COL5A2: variants seen among roughly 807,000 people sequenced by gnomAD.
The protein encoded by COL5A2 is collagen type V alpha 2 chain, also known as collagen alpha-2(V) chain.
COL5A2 carries 23 observed loss-of-function variants against 208.2 expected under a neutral mutation model. The ratio of observed to expected loss-of-function variants is 0.11; its 90% CI spans 0.08 to 0.16. COL5A2 has a LOEUF of 0.16. Among genes scored for constraint, COL5A2 ranks in the 10% least tolerant of loss-of-function variants. The pLI is 1.00. For missense variants in COL5A2, 1,590 were observed against 1,956.4 expected (o/e 0.81, Z 3.53); for synonymous variants, 625 against 628.5 (o/e 0.99, Z 0.08).
upstream of COL5A2, among the ~76,000 whole-genome samples, chr2:189,226,745 G>C (rs182686502): frequency 6.6e-6 from 1 of 152,236 alleles, no homozygotes; most frequent in Non-Finnish European, 1.5e-5. Flanking sequence ...CCCTCAAGGA[G>C]GAAAGAGAAA....
chr2:189,282,395 T>G, the COL5A2 span, among the ~76,000 whole-genome samples: 1 of 152,112 alleles, frequency 6.6e-6, no homozygotes, highest in Non-Finnish European at 1.5e-5. Flanking sequence ...AAAGGTAAAA[T>G]GCTGCTAAAC....
chr2:189,229,242 G>GA (rs1401933717), upstream of COL5A2, among the ~76,000 whole-genome samples: 1 of 150,974 alleles, frequency 6.6e-6, no homozygotes, highest in Non-Finnish European at 1.5e-5. Flanking sequence ...CCAAAATCAG[G>GA]AAAAAAAGCA....
chr2:189,165,877 T>C lies in COL5A2; in HGVS notation c.97+13631A>G, dbSNP rs184250040. Among the ~76,000 whole-genome samples the C allele has an allele frequency of 1.1e-3, 170 of 152,354 alleles. 3 individuals are homozygous for C. The highest frequency in any genetic ancestry group is 0.01 in the Admixed American group (157 of 15,302). On this transcript the variant is annotated intron_variant, in intron 1 of 53. Transcript: ENST00000374866. ...TGCTGAGTCAGTGTCCTACTCCTAC[T>C]GCCTGTAGGCCTAGTTGACGGAATA...
chr2:189,080,948 T>C, intron 13 of COL5A2, 42 bp downstream of exon 13: 1 of 1,550,508 alleles, frequency 6.4e-7, no homozygotes, highest in African/African-American at 1.4e-5. Flanking sequence ...GCCTGTTCAC[T>C]AAACCACAGT....
intron 1 of COL5A2, among the ~76,000 whole-genome samples, chr2:189,219,461 G>C (rs1050189690): frequency 6.6e-6 from 1 of 152,024 alleles, no homozygotes; most frequent in Non-Finnish European, 1.5e-5. Context: ...TCCTTATAGA[G>C]AGTCTCTCAA....
chr2:189,382,941 G>A, the COL5A2 span, among the ~76,000 whole-genome samples: 5 of 152,196 alleles, frequency 3.3e-5, no homozygotes, highest in South Asian at 1.0e-3. Flanking sequence ...AGGGAGGAAT[G>A]TTACAAAGTA....
chr2:189,337,537 T>G, the COL5A2 span, among the ~76,000 whole-genome samples: 1 of 152,162 alleles, frequency 6.6e-6, no homozygotes, highest in African/African-American at 2.4e-5. Flanking sequence ...ACTATAAACT[T>G]TTAGAATTGT....
intron 1 of COL5A2, among the ~76,000 whole-genome samples, chr2:189,124,811 T>C (rs1687577218): frequency 6.6e-6 from 1 of 151,956 alleles, no homozygotes; most frequent in Non-Finnish European, 1.5e-5. Context: ...ATAACTTCAA[T>C]TTTTTTCCTG....
chr2:189,104,802 A>T (rs997189201), intron 2 of COL5A2, among the ~76,000 whole-genome samples: 3 of 151,806 alleles, frequency 2.0e-5, no homozygotes, highest in African/African-American at 7.2e-5. Context: ...TAAGAAAATT[A>T]TTACAGACTC....
At chr2:189,410,275 T>C in the COL5A2 span, among the ~76,000 whole-genome samples, 1 of 152,196 alleles carries the variant, frequency 6.6e-6, no homozygotes, top group East Asian at 1.9e-4. Context: ...CATTTAGTCA[T>C]CAAACTTGGC....
At position 189,034,154 on chromosome 2, in the gene COL5A2, C is replaced by T. The variant is rs1193385199; in HGVS notation, c.4416G>A (p.Leu1472=). ...FEYRTQNVAR[L]PIIDLAPVDV... Reference sequence around the variant, plus strand: ...CCACAGGAGCAAGATCTATGATGGGCAAGCGTGCCACATTCTGTGTTCTAT... The same window carrying T: ...CCACAGGAGCAAGATCTATGATGGGTAAGCGTGCCACATTCTGTGTTCTAT... Residue 1472 remains leucine (L), a synonymous_variant, in exon 54 of 54, where the codon TTG becomes TTA. Transcript: ENST00000374866. 1 of 1,614,002 alleles carries T rather than the reference C, an allele frequency of 6.2e-7. No individual in the cohort carries two copies. The highest frequency in any genetic ancestry group is 2.2e-5 in the East Asian group (1 of 44,884).
At chr2:189,138,703 G>C (rs754459607) in intron 1 of COL5A2, among the ~76,000 whole-genome samples, 1 of 151,900 alleles carries the variant, frequency 6.6e-6, no homozygotes, top group African/African-American at 2.4e-5. Context: ...TATAGTAACC[G>C]AAAGTAAAAA....
At chr2:189,053,624 T>C in intron 37 of COL5A2, 147 bp from the exon 38 acceptor site, 2 of 809,340 alleles carry the variant, frequency 2.5e-6, no homozygotes, top group Non-Finnish European at 4.0e-6. Context: ...TTAAGGATTA[T>C]ATAAAGATAT....
chr2:189,263,172 T>A, the COL5A2 span, among the ~76,000 whole-genome samples: 2 of 152,080 alleles, frequency 1.3e-5, no homozygotes, highest in East Asian at 3.9e-4. Context: ...TCAATTGTTA[T>A]AACAAATAAA....
At chr2:189,173,864 A>G (rs1279820268) in intron 1 of COL5A2, among the ~76,000 whole-genome samples, 2 of 152,224 alleles carry the variant, frequency 1.3e-5, no homozygotes, top group East Asian at 3.8e-4. Flanking sequence ...AATTTATACA[A>G]TAGATCAATT....
the COL5A2 span, among the ~76,000 whole-genome samples, chr2:189,277,759 A>G: frequency 3.3e-5 from 5 of 152,240 alleles, no homozygotes; most frequent in East Asian, 7.7e-4. Context: ...AAACTATTCT[A>G]AAAGAATAGC....
At chr2:189,254,554 A>G in the COL5A2 span, among the ~76,000 whole-genome samples, 6 of 152,220 alleles carry the variant, frequency 3.9e-5, no homozygotes, top group Non-Finnish European at 8.8e-5. Context: ...CTGCCTGAGC[A>G]TGCGCAGAGC....
At chr2:189,419,847 G>T in the COL5A2 span, among the ~76,000 whole-genome samples, 1 of 149,820 alleles carries the variant, frequency 6.7e-6, no homozygotes, top group African/African-American at 2.5e-5. Context: ...GAAAGGAAAG[G>T]AAAGGAAAAG....
At chr2:189,434,294 A>G in the COL5A2 span, among the ~76,000 whole-genome samples, 1 of 151,992 alleles carries the variant, frequency 6.6e-6, no homozygotes, top group Non-Finnish European at 1.5e-5. Flanking sequence ...CTCTCTCACC[A>G]CTCCTATTCA....
Sources: gnomAD v4.1 joint callset for allele counts (sites outside exome capture counted in the v4.1 genomes callset) on GRCh38, gnomAD v4.1.1 for gene constraint, MANE v1.5 for transcripts, NCBI Gene and HGNC (gene_info 2026-07-23, HGNC 2026-07-21) for gene names.